Variants in RHOBTB2 observed in about 807,000 individuals in gnomAD.
RHOBTB2 encodes the protein rho-related BTB domain-containing protein 2.
Under a neutral mutation model 66.5 loss-of-function variants are expected in RHOBTB2, and 39 were observed. That is an observed-to-expected ratio of 0.59 (90% CI 0.45 to 0.77). The LOEUF (loss-of-function observed/expected upper bound fraction) is 0.77. Among genes scored for constraint, RHOBTB2 ranks in the 30% least tolerant of loss-of-function variants. The probability of loss-of-function intolerance (pLI) is 0.00; values close to 1 mark genes in which losing one functional copy is unlikely to be tolerated. For missense variants in RHOBTB2, 755 were observed against 999.1 expected (o/e 0.76, Z 3.29); for synonymous variants, 390 against 395.0 (o/e 0.99, Z 0.15).
At chr8:22,965,054 T>A in the RHOBTB2 span, among the ~76,000 whole-genome samples, 2 of 152,118 alleles carry the variant, frequency 1.3e-5, no homozygotes, top group African/African-American at 4.8e-5. Flanking sequence ...TGACATCAGA[T>A]AATCTGCTCA....
At chr8:22,990,621 G>T (rs1810402252) in intron 1 of RHOBTB2, among the ~76,000 whole-genome samples, 1 of 152,228 alleles carries the variant, frequency 6.6e-6, no homozygotes, top group Admixed American at 6.5e-5. Flanking sequence ...AGGAGGAAGA[G>T]GGTGGGTTGG....
the RHOBTB2 span, among the ~76,000 whole-genome samples, chr8:22,979,755 TTTTGGGACAGAGTGAGACTC>T: frequency 7.2e-5 from 9 of 125,290 alleles, no homozygotes; most frequent in South Asian, 9.0e-4. Context: ...TTTTTTTTTT[TTTTGGGACAGAGTGAGACTC>T]TGTGACAGAG....
At chr8:22,958,445 T>C in the RHOBTB2 span, among the ~76,000 whole-genome samples, 2 of 151,982 alleles carry the variant, frequency 1.3e-5, no homozygotes, top group African/African-American at 4.8e-5. Flanking sequence ...GTTTTAAATA[T>C]CAAGGCAAAA....
the RHOBTB2 span, among the ~76,000 whole-genome samples, chr8:22,962,432 C>A: frequency 2.0e-5 from 3 of 152,054 alleles, no homozygotes; most frequent in Non-Finnish European, 4.4e-5. Flanking sequence ...GTTCTTAACT[C>A]AAAGGCATTC....
chr8:22,959,534 A>C, the RHOBTB2 span, among the ~76,000 whole-genome samples: 1 of 152,110 alleles, frequency 6.6e-6, no homozygotes, highest in Non-Finnish European at 1.5e-5. Context: ...GATTACAGGC[A>C]TGAGTCACCA....
chr8:22,981,453 T>C, the RHOBTB2 span, among the ~76,000 whole-genome samples: 2 of 152,222 alleles, frequency 1.3e-5, no homozygotes, highest in African/African-American at 4.8e-5. Flanking sequence ...AGTGGAGCCC[T>C]GAGACATTCT....
chr8:22,978,546 G>T, the RHOBTB2 span, among the ~76,000 whole-genome samples: 1 of 149,368 alleles, frequency 6.7e-6, no homozygotes, highest in Non-Finnish European at 1.5e-5. Flanking sequence ...TTAAGTTTAG[G>T]TAAGGAGAAT....
the RHOBTB2 span, among the ~76,000 whole-genome samples, chr8:22,955,416 C>T: frequency 1.3e-5 from 2 of 152,254 alleles, no homozygotes; most frequent in Admixed American, 6.5e-5. Flanking sequence ...AAGTTTATCC[C>T]CACTCTGGCT....
At chr8:23,010,277 C>G (rs73672962) in intron 6 of RHOBTB2, among the ~76,000 whole-genome samples, 13,090 of 152,180 alleles carry the variant, frequency 0.086, 692 homozygotes, top group South Asian at 0.2. Flanking sequence ...TAACAAGACG[C>G]TGTTTCTAAA....
chr8:23,014,916 C>G, intron 8 of RHOBTB2, 138 bp downstream of exon 8: 3 of 693,184 alleles, frequency 4.3e-6, no homozygotes, highest in East Asian at 2.7e-5. Flanking sequence ...CTGCGCGTAG[C>G]CCATCTCCTC....
chr8:22,997,459 G>T (rs1810605959), upstream of RHOBTB2, among the ~76,000 whole-genome samples: 1 of 152,154 alleles, frequency 6.6e-6, no homozygotes, highest in Non-Finnish European at 1.5e-5. Context: ...GGCGGGGCGG[G>T]GGCTGTGGGG....
Position 23,015,645 on chromosome 8 carries a change from G to A in RHOBTB2, c.1868G>A (p.Cys623Tyr). The A allele has an allele frequency of 6.2e-7, 1 of 1,612,584 alleles. No homozygotes were observed. ...LVFLELAQFH[C>Y]AYQLADWCLH... ...CTTCCCTTCTGTCCCCAGTTCCACT[G>A]TGCGTACCAGCTGGCCGACTGGTGT... The change falls in exon 9 of 10, where the codon TGT becomes TAT. Residue 623 changes from cysteine (C) to tyrosine (Y), a missense_variant. Physicochemically the swap from Cys to Tyr is radical, Grantham distance 194 (BLOSUM62 -2). This residue lies in a region of RHOBTB2 where 353 missense variants were observed against 458.2 expected (regional missense o/e 0.77). Transcript: ENST00000251822.
chr8:22,974,889 A>T, the RHOBTB2 span, among the ~76,000 whole-genome samples: 1 of 152,142 alleles, frequency 6.6e-6, no homozygotes, highest in African/African-American at 2.4e-5. Context: ...CGCGCATAAA[A>T]TGACAAGGGA....
the RHOBTB2 span, among the ~76,000 whole-genome samples, chr8:22,968,270 T>G: frequency 6.6e-6 from 1 of 151,156 alleles, no homozygotes; most frequent in Non-Finnish European, 1.5e-5. Context: ...AAAATGGGAG[T>G]TTTTTCTTAA....
chr8:23,007,175 G>A lies in RHOBTB2; in HGVS notation c.930G>A (p.Glu310=), dbSNP rs1172898426. The A allele has an allele frequency of 1.2e-6, 2 of 1,604,308 alleles. No homozygotes were observed. The highest frequency in any genetic ancestry group is 1.1e-5 in the South Asian group (1 of 90,670). ...AGGGGGAGCTGGGGGGCCCCTCGGA[G>A]CCAGGGGGCACCCACCCAGAGGACC... The part of the protein sequence containing the change: ...LSEGELGGPS[E]PGGTHPEDHQ... Residue 310 remains glutamate, a synonymous_variant, in exon 5 of 10, where the codon GAG becomes GAA. Transcript: ENST00000251822.
At chr8:22,994,417 C>T (rs1182934315) in intron 2 of RHOBTB2, 8 of 536,674 alleles carry the variant, frequency 1.5e-5, no homozygotes, top group Admixed American at 6.7e-5. Flanking sequence ...GCGCTGGACC[C>T]GGACATCAGG....
chr8:22,977,200 A>C, the RHOBTB2 span, among the ~76,000 whole-genome samples: 1 of 152,200 alleles, frequency 6.6e-6, no homozygotes, highest in South Asian at 2.1e-4. Flanking sequence ...CACTAACTAC[A>C]TGCTGCACAA....
the RHOBTB2 span, among the ~76,000 whole-genome samples, chr8:22,965,562 T>C: frequency 6.6e-6 from 1 of 152,162 alleles, no homozygotes. Flanking sequence ...CAAAACAGTG[T>C]GTCACTGACA....
At chr8:22,973,618 G>A in the RHOBTB2 span, among the ~76,000 whole-genome samples, 10 of 152,276 alleles carry the variant, frequency 6.6e-5, no homozygotes, top group African/African-American at 1.7e-4. Flanking sequence ...TGCCCAGCCC[G>A]GGCCTGGCAC....
Sources: gnomAD v4.1 joint callset for allele counts (sites outside exome capture counted in the v4.1 genomes callset) on GRCh38, gnomAD v4.1.1 for gene constraint, gnomAD v4.1.1 regional missense constraint, MANE v1.5 for transcripts, NCBI Gene and HGNC (gene_info 2026-07-23, HGNC 2026-07-21) for gene names.